Variants in THRAP3 observed in about 807,000 individuals in gnomAD.
The protein encoded by THRAP3 is thyroid hormone receptor associated protein 3.
A neutral mutation model predicts 101.0 loss-of-function variants in THRAP3; 16 were observed. That is an observed-to-expected ratio of 0.16 (90% CI 0.11 to 0.24). THRAP3 has a LOEUF of 0.24. THRAP3 is among the 10% of genes least tolerant of loss of function. The pLI, the probability that THRAP3 is intolerant of heterozygous loss-of-function variation, is 1.00. For missense variants in THRAP3, 989 were observed against 1,202.7 expected (o/e 0.82, Z 2.63); for synonymous variants, 407 against 422.6 (o/e 0.96, Z 0.45).
At chr1:36,294,223 T>A (rs1224370029) in intron 8 of THRAP3, 1 of 1,173,796 alleles carries the variant, frequency 8.5e-7, no homozygotes, top group African/African-American at 1.6e-5. Flanking sequence ...AAGAAACTTT[T>A]TGTGATATTT....
intron 1 of THRAP3, among the ~76,000 whole-genome samples, chr1:36,248,447 CTTTT>C (rs35044035): frequency 1.8e-5 from 2 of 112,262 alleles, no homozygotes; most frequent in Non-Finnish European, 1.9e-5. Context: ...GCCTCAGCCT[CTTTT>C]TTTTTTTTTT....
intron 11 of THRAP3, among the ~76,000 whole-genome samples, chr1:36,302,349 G>A (rs1483900454): frequency 2.6e-5 from 4 of 152,362 alleles, no homozygotes; most frequent in Non-Finnish European, 2.9e-5. Context: ...GAATGGATCT[G>A]TATTGTCAGT....
intron 2 of THRAP3, among the ~76,000 whole-genome samples, chr1:36,270,891 A>G (rs1026169529): frequency 7.2e-5 from 11 of 152,102 alleles, no homozygotes; most frequent in African/African-American, 2.4e-4. Context: ...GGTTTTTTTA[A>G]TATCAGAAAA....
chr1:36,254,200 T>A (rs1445148828), intron 1 of THRAP3, among the ~76,000 whole-genome samples: 2 of 152,214 alleles, frequency 1.3e-5, no homozygotes, highest in African/African-American at 4.8e-5. Flanking sequence ...AAACTGCTGA[T>A]AAATAACCTT....
At chr1:36,239,917 A>G (rs760440522) in intron 1 of THRAP3, among the ~76,000 whole-genome samples, 3 of 152,308 alleles carry the variant, frequency 2.0e-5, no homozygotes, top group South Asian at 2.1e-4. Context: ...ACATTTCACA[A>G]TTTATTTACA....
chr1:36,302,095 T>A (rs1646037321), intron 11 of THRAP3, among the ~76,000 whole-genome samples: 1 of 152,234 alleles, frequency 6.6e-6, no homozygotes, highest in African/African-American at 2.4e-5. Flanking sequence ...GCTCAGGATC[T>A]CTTTGAGGAA....
At chr1:36,301,383 G>A (rs973222108) in intron 10 of THRAP3, among the ~76,000 whole-genome samples, 170 bp from the exon 11 acceptor site, 1 of 152,190 alleles carries the variant, frequency 6.6e-6, no homozygotes, top group African/African-American at 2.4e-5. Context: ...TGTGTAGGCT[G>A]CAGACTTGAG....
chr1:36,276,213 A>G (rs1645657710), intron 2 of THRAP3, among the ~76,000 whole-genome samples: 1 of 149,146 alleles, frequency 6.7e-6, no homozygotes, highest in Non-Finnish European at 1.5e-5. Context: ...AGAGTTCAGC[A>G]GAGTAAAAAA....
At chr1:36,280,321 G>T (rs758090923) in intron 2 of THRAP3, among the ~76,000 whole-genome samples, 11 of 152,138 alleles carry the variant, frequency 7.2e-5, no homozygotes, top group African/African-American at 2.4e-4. Flanking sequence ...ACTAAATAAA[G>T]AAAGATGAGG....
At chr1:36,267,084 A>G (rs1187517208) in intron 2 of THRAP3, among the ~76,000 whole-genome samples, 3 of 151,976 alleles carry the variant, frequency 2.0e-5, no homozygotes, top group African/African-American at 4.8e-5. Context: ...GGGTTTCATC[A>G]TATTGGTCAG....
intron 1 of THRAP3, among the ~76,000 whole-genome samples, chr1:36,240,216 G>A (rs1170435591): frequency 1.3e-5 from 2 of 152,112 alleles, no homozygotes; most frequent in Admixed American, 1.3e-4. Flanking sequence ...CTGCAAGCTG[G>A]GGAAAGAGAG....
chr1:36,267,006 G>C (rs1285524474), intron 2 of THRAP3, among the ~76,000 whole-genome samples: 3 of 151,876 alleles, frequency 2.0e-5, no homozygotes, highest in Non-Finnish European at 4.4e-5. Context: ...TCAGCCTCCC[G>C]AGTAGGTGGG....
At position 36,286,878 on chromosome 1, in the gene THRAP3, A is replaced by G. The variant is rs1198632916; in HGVS notation, c.648A>G (p.Ala216=). Residue 216 remains alanine (A), a synonymous_variant, in exon 4 of 12, where the codon GCA becomes GCG. Transcript: ENST00000354618. The surrounding 1 kb of genome is among the most constrained non-coding windows in gnomAD (Gnocchi z 5.5). The stretch of plus-strand genomic sequence containing the variant: ...GAGGCACCTCTCAAGATACAAAAGC[A>G]TCTGAGAGCTCGAAGCCATGGCCAG... ...FSGGTSQDTK[A]SESSKPWPDA... 3 of 1,614,096 alleles carry G rather than the reference A, an allele frequency of 1.9e-6. No homozygotes were observed. Among genetic ancestry groups the G allele is most frequent in the Non-Finnish European group, 2.5e-6 (3 of 1,179,930 alleles).
chr1:36,304,038 C>A lies in THRAP3; in HGVS notation c.*21C>A. 1 of 1,488,344 alleles carries A rather than the reference C, an allele frequency of 6.7e-7. No homozygotes were observed. The highest frequency in any genetic ancestry group is 1.4e-5 in the South Asian group (1 of 73,280). The allele number at this position is 1,488,344 out of a possible 1,614,324, so 92.2% of individuals were successfully genotyped here. ...AGTAGGGGCCACCCTTGACGGGATT[C>A]CTGCCCAGGGGAGAGAGGCGCTGGG... On this transcript the variant is annotated 3_prime_UTR_variant, in exon 12 of 12. Transcript: ENST00000354618.
intron 1 of THRAP3, among the ~76,000 whole-genome samples, chr1:36,251,250 T>C (rs551204588): frequency 6.6e-6 from 1 of 152,272 alleles, no homozygotes; most frequent in East Asian, 1.9e-4. Flanking sequence ...ATAAAAGTTT[T>C]GTAATGTGAT....
At chr1:36,289,803 G>A in intron 5 of THRAP3, 39 bp downstream of exon 5, 1 of 1,549,558 alleles carries the variant, frequency 6.5e-7, no homozygotes, top group Non-Finnish European at 8.7e-7. Context: ...TGCTTTAGTG[G>A]CCTAAGTGGT....
At chr1:36,299,325 A>T (rs1230025537) in intron 9 of THRAP3, among the ~76,000 whole-genome samples, 1 of 151,408 alleles carries the variant, frequency 6.6e-6, no homozygotes, top group African/African-American at 2.4e-5. Context: ...TGTAATCCCC[A>T]CTGCTCAGGA....
intron 9 of THRAP3, among the ~76,000 whole-genome samples, chr1:36,300,282 T>C (rs1372822156): frequency 6.6e-6 from 1 of 152,200 alleles, no homozygotes; most frequent in African/African-American, 2.4e-5. Flanking sequence ...CGTGGTATAA[T>C]TAGTCAGAGC....
chr1:36,239,979 T>G (rs542967567), intron 1 of THRAP3, among the ~76,000 whole-genome samples: 6 of 152,328 alleles, frequency 3.9e-5, no homozygotes, highest in African/African-American at 1.4e-4. Context: ...TGTTTGTTTT[T>G]TAGTTGACTT....
Sources: allele counts gnomAD v4.1 joint callset (sites outside exome capture counted in the v4.1 genomes callset), GRCh38; gene constraint gnomAD v4.1.1; non-coding constraint Gnocchi (gnomAD v3.1); transcripts MANE v1.5; gene names NCBI Gene and HGNC (gene_info 2026-07-23, HGNC 2026-07-21).